Variants in ROS1 observed in about 807,000 individuals in gnomAD.
ROS1 encodes the protein ROS proto-oncogene 1, receptor tyrosine kinase.
A neutral mutation model predicts 273.5 loss-of-function variants in ROS1; 263 were observed. The observed-to-expected ratio is 0.96, with a 90% CI of 0.87 to 1.06. The LOEUF is 1.06. Ranked by LOEUF, ROS1 falls within the 50% of genes least tolerant of loss-of-function variation. The pLI is 0.00. For synonymous variants in ROS1, 1,008 were observed against 954.1 expected (o/e 1.06, Z -1.04); for missense variants, 2,833 against 2,751.1 (o/e 1.03, Z -0.67).
intron 38 of ROS1, 102 bp from the exon 39 acceptor site, chr6:117,317,374 A>T: frequency 7.5e-7 from 1 of 1,326,514 alleles, no homozygotes; most frequent in Admixed American, 2.4e-5. Context: ...AGTTTCCTTC[A>T]AAACCCCTGA....
chr6:117,287,437 TA>T lies in ROS1; in HGVS notation c.*1054del, dbSNP rs1317026904. Among the ~76,000 whole-genome samples, 2 of 152,224 alleles carry T rather than the reference TA, an allele frequency of 1.3e-5. No homozygotes were observed. The highest frequency in any genetic ancestry group is 2.9e-5 in the Non-Finnish European group (2 of 68,036). ...TTAAGTATTTTATACATAAAATAGATATGGCAAATAGCAATCTTTATACTAG... is the reference window on the plus strand; with the variant it reads ...TTAAGTATTTTATACATAAAATAGATTGGCAAATAGCAATCTTTATACTAG... On this transcript the variant is annotated 3_prime_UTR_variant, in exon 44 of 44. Coordinates refer to ENST00000368507, the MANE Select transcript of ROS1 (RefSeq NM_001378902.1).
chr6:117,400,468 T>A (rs1773847739), intron 7 of ROS1, among the ~76,000 whole-genome samples: 1 of 152,210 alleles, frequency 6.6e-6, no homozygotes, highest in Non-Finnish European at 1.5e-5. Flanking sequence ...AGAATTGCTC[T>A]AAGGATATAT....
chr6:117,404,383 C>G lies in ROS1; in HGVS notation c.362G>C (p.Ser121Thr), dbSNP rs765071235. ...TTTCCATCGTAATGTCATATTGTGG[C>G]TTCCAATGGAAGAAGCAAAGGGAGC... ...PTAPFASSIG[S>T]HNMTLRWKSA... Residue 121 changes from serine to threonine, a missense_variant, in exon 6 of 44, where the codon AGC becomes ACC. Coordinates refer to ENST00000368507, the MANE Select transcript of ROS1 (RefSeq NM_001378902.1). 1 of 1,613,894 alleles carries G rather than the reference C, an allele frequency of 6.2e-7. No individual in the cohort carries two copies. Among genetic ancestry groups the G allele is most frequent in the East Asian group, 2.2e-5 (1 of 44,870 alleles).
chr6:117,308,613 T>C (rs1008327869), intron 42 of ROS1, among the ~76,000 whole-genome samples, 181 bp downstream of exon 42: 4 of 152,162 alleles, frequency 2.6e-5, no homozygotes, highest in Non-Finnish European at 5.9e-5. Context: ...GTATATACAA[T>C]TAAAAAGAAG....
At chr6:117,386,251 C>T (rs75120011) in intron 15 of ROS1, among the ~76,000 whole-genome samples, 2,302 of 152,306 alleles carry the variant, frequency 0.015, 64 homozygotes, top group African/African-American at 0.052. Flanking sequence ...CAGCCAATGC[C>T]AAAGTGGCAT....
At chr6:117,310,824 T>C (rs1410808593) in intron 40 of ROS1, among the ~76,000 whole-genome samples, 196 bp downstream of exon 40, 1 of 152,146 alleles carries the variant, frequency 6.6e-6, no homozygotes, top group Admixed American at 6.6e-5. Context: ...GTCTTTGCTA[T>C]TGAAAATAGT....
At chr6:117,294,426 C>T (rs928407335) in intron 43 of ROS1, among the ~76,000 whole-genome samples, 2 of 152,080 alleles carry the variant, frequency 1.3e-5, no homozygotes, top group South Asian at 2.1e-4. Context: ...AACATATACA[C>T]ATATGTTGAA....
At chr6:117,387,201 A>G (rs543937298) in intron 14 of ROS1, among the ~76,000 whole-genome samples, 1 of 152,330 alleles carries the variant, frequency 6.6e-6, no homozygotes, top group Non-Finnish European at 1.5e-5. Context: ...ATACTTTCTG[A>G]TTTTCACATA....
At position 117,389,734 on chromosome 6, in the gene ROS1, C is replaced by A. The variant is rs41291920; in HGVS notation, c.1402G>T (p.Ala468Ser). 2.4e-4 allele frequency: 390 copies of A among 1,614,126 alleles called. 1 individual carries two copies. Among genetic ancestry groups the A allele is most frequent in the Non-Finnish European group, 3.0e-4 (354 of 1,180,040 alleles). Residue 468 changes from alanine to serine, a missense_variant, in exon 13 of 44, where the codon GCA (alanine) becomes TCA (serine). Ala to Ser is a moderately conservative substitution (Grantham distance 99). Transcript: ENST00000368507. ...IVESCTLKDF[A>S]IKPQAKRIIY... is the part of the protein sequence containing the mutation. ...ATTCGCTTGGCTTGTGGCTTGATTG[C>A]AAAGTCCTTTAACGTGCAACTCTCC...
rs763782411 is a variant in ROS1 at position 117,385,686 on chromosome 6, A to C, written c.2286T>G (p.Tyr762Ter). The C allele has an allele frequency of 1.1e-5, 17 of 1,613,930 alleles. No homozygotes were observed. Among genetic ancestry groups the C allele is most frequent in the Admixed American group, 3.3e-5 (2 of 59,988 alleles). The change falls in exon 16 of 44, where the codon TAT (tyrosine) becomes TAG (stop). Residue 762 changes from tyrosine to a stop codon, truncating the protein, a stop_gained. Transcript: ENST00000368507. LOFTEE classifies it high-confidence loss of function. ...AGAATGCCATGCTTTAACTCACCAC[A>C]TATGTCTTTCCAGCCCAGTAGAGAA... ...GHFLYWAGKT[Y>*]VIQRQSVLTG...
rs1228155249 is a variant in ROS1, at chr6:117,385,934, CA to C, written c.2111-74del. On this transcript the variant is annotated intron_variant, in intron 15 of 43. Transcript: ENST00000368507. Reference sequence around the variant, plus strand: ...AAAAACATAATGAGTCAACAAATCACATCTGCACCTCAACATAATTTTAAAC... The same window carrying C: ...AAAAACATAATGAGTCAACAAATCACTCTGCACCTCAACATAATTTTAAAC... 25 of 1,128,058 alleles carry C rather than the reference CA, an allele frequency of 2.2e-5. No homozygotes were observed. In the East Asian group the frequency reaches 5.2e-4, roughly 23 times the overall value. 69.9% of individuals were successfully genotyped at this position (1,128,058 alleles called of 1,614,324 possible). A position where few individuals can be genotyped will look rare whatever the true frequency, so the allele number is the denominator to read the frequency against.
At chr6:117,327,299 C>T (rs768335292) in intron 33 of ROS1, among the ~76,000 whole-genome samples, 6 of 152,212 alleles carry the variant, frequency 3.9e-5, no homozygotes, top group African/African-American at 9.6e-5. Context: ...AGCTGTTCCC[C>T]GGAGCTGAGG....
At chr6:117,371,266 G>A (rs766636130) in intron 18 of ROS1, among the ~76,000 whole-genome samples, 23 of 152,322 alleles carry the variant, frequency 1.5e-4, no homozygotes, top group Admixed American at 1.2e-3. Flanking sequence ...TGCCCAAAGT[G>A]TGATATGGGG....
chr6:117,314,054 C>T (rs1179757160), intron 39 of ROS1, among the ~76,000 whole-genome samples: 1 of 152,060 alleles, frequency 6.6e-6, no homozygotes, highest in African/African-American at 2.4e-5. Flanking sequence ...AAAAGTAGAT[C>T]CACTTTTTTT....
chr6:117,352,986 T>C lies in ROS1; in HGVS notation c.4303+4A>G, dbSNP rs762369065. ...CAAGCTGATTACGAATGTGACTTTA[T>C]TACCTGGAAAAGGCTGCATAACTGA... is the stretch of plus-strand genomic sequence containing the variant. On this transcript the variant is annotated splice_donor_region_variant and intron_variant, in intron 27 of 43. Coordinates refer to ENST00000368507, the MANE Select transcript of ROS1 (RefSeq NM_001378902.1). 6.2e-7 allele frequency: 1 copy of C among 1,610,092 alleles called. No individual in the cohort carries two copies. The highest frequency in any genetic ancestry group is 8.5e-7 in the Non-Finnish European group (1 of 1,178,778).
rs747426279 is a variant in ROS1 at position 117,365,059 on chromosome 6, C to A, written c.3103+1G>T. Reference sequence around the variant, plus strand: ...AAAAAGACAGATTTTAACCCCTGTACCTGTTTCAGGTGCTCGAAGTGACAG... The same window carrying A: ...AAAAAGACAGATTTTAACCCCTGTAACTGTTTCAGGTGCTCGAAGTGACAG... On this transcript the variant is annotated splice_donor_variant, in intron 21 of 43. Transcript: ENST00000368507. LOFTEE classifies it high-confidence loss of function. 6.2e-7 allele frequency: 1 copy of A among 1,613,392 alleles called. No individual in the cohort carries two copies. Among genetic ancestry groups the A allele is most frequent in the East Asian group, 2.2e-5 (1 of 44,854 alleles).
intron 43 of ROS1, among the ~76,000 whole-genome samples, chr6:117,299,912 G>C (rs1774553091): frequency 7.1e-6 from 1 of 141,448 alleles, no homozygotes; most frequent in African/African-American, 2.7e-5. Flanking sequence ...AATGGTTCCA[G>C]AATATTATTA....
chr6:117,319,745 C>T (rs2128558224), intron 37 of ROS1, 123 bp downstream of exon 37: 1 of 798,476 alleles, frequency 1.3e-6, no homozygotes, highest in Non-Finnish European at 2.0e-6. Flanking sequence ...TATGGATAGG[C>T]TTCGACATTC....
rs1009843617 is a variant in ROS1, at chr6:117,397,084, C to G, written c.637G>C (p.Glu213Gln). The part of the protein sequence containing the change: ...PETAPLIRNI[E>Q]SSSPDTVEVS... ...TCCACAGTGTCGGGACTTGAGCTCT[C>G]AATATTCCTAATCAAAGGTGCAGTT... The change falls in exon 8 of 44, where the codon GAG (glutamate) becomes CAG (glutamine). Residue 213 changes from glutamate (E) to glutamine (Q), a missense_variant. Transcript: ENST00000368507. 8 of 1,613,396 alleles carry G rather than the reference C, an allele frequency of 5.0e-6. No homozygotes were observed. In the Admixed American group the frequency reaches 1.3e-4, roughly 27 times the overall value.
Sources: gnomAD v4.1 joint callset for allele counts (sites outside exome capture counted in the v4.1 genomes callset) on GRCh38, gnomAD v4.1.1 for gene constraint, MANE v1.5 for transcripts, NCBI Gene and HGNC (gene_info 2026-07-23, HGNC 2026-07-21) for gene names.